Variants in HARS2 observed in about 807,000 individuals in gnomAD.
HARS2 encodes histidine--tRNA ligase, mitochondrial.
A neutral mutation model predicts 62.4 loss-of-function variants in HARS2; 40 were observed. The ratio of observed to expected loss-of-function variants is 0.64; its 90% confidence interval spans 0.50 to 0.83. HARS2 has a LOEUF of 0.83. Among genes scored for constraint, HARS2 ranks in the 40% least tolerant of loss-of-function variants. The probability of loss-of-function intolerance (pLI) is 0.00; values close to 1 mark genes in which losing one functional copy is unlikely to be tolerated. For missense variants in HARS2, 569 were observed against 626.4 expected (o/e 0.91, Z 0.98); for synonymous variants, 228 against 227.0 (o/e 1.00, Z -0.04).
At position 140,698,535 on chromosome 5, in the gene HARS2, C is replaced by T. The variant is rs142627341; in HGVS notation, c.1504C>T (p.Arg502Ter). The change falls in exon 13 of 13, where the codon CGA becomes TGA. Residue 502 changes from arginine (R) to a stop codon, truncating the protein, a stop_gained. Transcript: ENST00000230771. LOFTEE classifies it high-confidence loss of function. ...AAATTTTGTGGCTGAAATTCAGAAG[C>T]GACTGTCTGAGTCTTGATCCTTGCC... is the stretch of plus-strand genomic sequence containing the variant. Reference protein sequence around the residue: ...RENFVAEIQKRLSES With the variant: ...RENFVAEIQK 4 of 1,612,344 alleles carry T rather than the reference C, an allele frequency of 2.5e-6. No individual in the cohort carries two copies. The highest frequency in any genetic ancestry group is 2.2e-5 in the East Asian group (1 of 44,880).
At chr5:140,697,910 A>G (rs1394274989) in intron 11 of HARS2, 22 bp from the exon 12 acceptor site, 3 of 1,610,912 alleles carry the variant, frequency 1.9e-6, no homozygotes, top group Non-Finnish European at 2.5e-6. Context: ...TAAGTCCCTT[A>G]CTCTGTCTTG....
At chr5:140,697,516 A>C in intron 10 of HARS2, 53 bp from the exon 11 acceptor site, 1 of 1,600,042 alleles carries the variant, frequency 6.2e-7, no homozygotes, top group Non-Finnish European at 8.6e-7. Flanking sequence ...GATTTTTGGA[A>C]TTGCTGGTGG....
At chr5:140,696,074 C>A (rs2149854801) in intron 6 of HARS2, 29 bp from the exon 7 acceptor site, 1 of 1,510,650 alleles carries the variant, frequency 6.6e-7, no homozygotes, top group Non-Finnish European at 9.2e-7. Flanking sequence ...CATTGACAAG[C>A]ACTTGGGTCA....
chr5:140,696,899 T>C (rs577168262), intron 8 of HARS2, 44 bp from the exon 9 acceptor site: 1 of 1,587,336 alleles, frequency 6.3e-7, no homozygotes, highest in African/African-American at 1.4e-5. Flanking sequence ...TAATTTTGAA[T>C]GAAACACATG....
chr5:140,698,963 C>T lies in HARS2; in HGVS notation c.*411C>T, dbSNP rs1403343543. The stretch of plus-strand genomic sequence containing the variant: ...CGGAACCAGATTCTGGTGAATTTGT[C>T]CACAATCAGCCATTGGCCTGTCTGG... On this transcript the variant is annotated 3_prime_UTR_variant, in exon 13 of 13. Transcript: ENST00000230771. 1 of 292,700 alleles carries T rather than the reference C, an allele frequency of 3.4e-6. No individual in the cohort carries two copies. The highest frequency in any genetic ancestry group is 6.7e-6 in the Non-Finnish European group (1 of 149,818). 18.1% of individuals were successfully genotyped at this position (292,700 alleles called of 1,614,324 possible). A position where few individuals can be genotyped will look rare whatever the true frequency, so the allele number is the denominator to read the frequency against.
intron 4 of HARS2, 82 bp from the exon 5 acceptor site, chr5:140,695,426 C>A: frequency 6.7e-7 from 1 of 1,500,640 alleles, no homozygotes; most frequent in Non-Finnish European, 9.3e-7. Context: ...GGATGAGATC[C>A]AGGCCCAGTC....
rs146931647 is a variant in HARS2 at position 140,696,965 on chromosome 5, A to C, written c.849A>C (p.Gln283His). ...CAGGTGGGGTATCCCTAGTAGAGCA[A>C]ATGTTTCAGGATCCCAGACTATCCC... The part of the protein sequence containing the change: ...QCHGGVSLVE[Q>H]MFQDPRLSQN... The change falls in exon 9 of 13, where the codon CAA (glutamine) becomes CAC (histidine). Residue 283 changes from glutamine (Q) to histidine (H), a missense_variant. Coordinates refer to ENST00000230771, the MANE Select transcript of HARS2 (RefSeq NM_012208.4). 6.2e-7 allele frequency: 1 copy of C among 1,613,682 alleles called. No individual in the cohort carries two copies. Among genetic ancestry groups the C allele is most frequent in the Non-Finnish European group, 8.5e-7 (1 of 1,179,918 alleles).
At chr5:140,693,005 C>T (rs534606270) in intron 1 of HARS2, among the ~76,000 whole-genome samples, 1 of 151,960 alleles carries the variant, frequency 6.6e-6, no homozygotes, top group Non-Finnish European at 1.5e-5. Flanking sequence ...TGTTCAGTGC[C>T]TTCATTATTC....
rs577099650 is a variant in HARS2, at chr5:140,693,478, TC to T, written c.109-111del. 583 of 1,592,248 alleles carry T rather than the reference TC, an allele frequency of 3.7e-4. No individual in the cohort carries two copies. Among genetic ancestry groups the T allele is most frequent in the Non-Finnish European group, 4.6e-4 (534 of 1,168,604 alleles). On this transcript the variant is annotated intron_variant, in intron 1 of 12. Coordinates refer to ENST00000230771, the MANE Select transcript of HARS2 (RefSeq NM_012208.4). ...GGATAGATGAAATGGTGCTTTGGCTTCCTGTTGCTCAGGGTGAAGAGTCTTT... is the reference window on the plus strand; with the variant it reads ...GGATAGATGAAATGGTGCTTTGGCTTCTGTTGCTCAGGGTGAAGAGTCTTT...
intron 1 of HARS2, chr5:140,692,010 G>T: frequency 1.8e-6 from 1 of 564,054 alleles, no homozygotes; most frequent in East Asian, 3.0e-5. Context: ...CTTATACACG[G>T]ATATGTAGTA....
Position 140,693,979 on chromosome 5 carries a change from A to G in HARS2, c.228A>G (p.Lys76=). 1.9e-6 allele frequency: 3 copies of G among 1,613,996 alleles called. No individual in the cohort carries two copies. Among genetic ancestry groups the G allele is most frequent in the Non-Finnish European group, 2.5e-6 (3 of 1,179,934 alleles). The change falls in exon 3 of 13, where the codon AAA becomes AAG. Residue 76 remains lysine, a synonymous_variant. Transcript: ENST00000230771. The stretch of plus-strand genomic sequence containing the variant: ...CTCAGCATATGGTTGTGAGGGAGAA[A>G]ATTCTTGATTTGGTTATCAGCTGCT... The part of the protein sequence containing the change: ...LSPQHMVVRE[K]ILDLVISCFK...
chr5:140,696,927 CTT>C lies in HARS2; in HGVS notation c.827-14_827-13del. 2.5e-6 allele frequency: 4 copies of C among 1,601,012 alleles called. No individual in the cohort carries two copies. Among genetic ancestry groups the C allele is most frequent in the Non-Finnish European group, 2.6e-6 (3 of 1,173,428 alleles). ...AACACATGTGAGTGAACAGCAGAGACTTTATTTCTCTCCAGGTGGGGTATCCC... is the reference window on the plus strand; with the variant it reads ...AACACATGTGAGTGAACAGCAGAGACTATTTCTCTCCAGGTGGGGTATCCC... On this transcript the variant is annotated splice_polypyrimidine_tract_variant and intron_variant, in intron 8 of 12. Coordinates refer to ENST00000230771, the MANE Select transcript of HARS2 (RefSeq NM_012208.4).
Position 140,694,683 on chromosome 5 carries a change from T to G in HARS2, c.399+403T>G, listed in dbSNP as rs184717428. Among the ~76,000 whole-genome samples the G allele has an allele frequency of 2.8e-3, 421 of 152,172 alleles. 3 individuals are homozygous for G. The highest frequency in any genetic ancestry group is 0.014 in the Middle Eastern group (4 of 294). ...GAGTTCAAGACCAGCCTGGCCAATA[T>G]AGTGAAACCCCATCTCTACTCAGCT... On this transcript the variant is annotated intron_variant, in intron 4 of 12. Coordinates refer to ENST00000230771, the MANE Select transcript of HARS2 (RefSeq NM_012208.4).
In HARS2 at chr5:140,691,707, T is replaced by G. The variant is rs1330881651; in HGVS notation, c.59T>G (p.Leu20Arg). 7 of 1,552,706 alleles carry G rather than the reference T, an allele frequency of 4.5e-6. No individual in the cohort carries two copies. Among genetic ancestry groups the G allele is most frequent in the African/African-American group, 1.4e-5 (1 of 73,162 alleles). ...TGGGCTTCGCTGCTCAGCCAGCTCC[T>G]GCGACCGCCCTGCGCTTCGTGCACC... Reference protein sequence around the residue: ...RAWASLLSQLLRPPCASCTGA... With the variant: ...RAWASLLSQLRRPPCASCTGA... The change falls in exon 1 of 13, where the codon CTG becomes CGG. Residue 20 changes from leucine to arginine, a missense_variant. Physicochemically the swap from Leu to Arg is moderately radical, Grantham distance 102 (BLOSUM62 -2). Coordinates refer to ENST00000230771, the MANE Select transcript of HARS2 (RefSeq NM_012208.4).
Position 140,695,755 on chromosome 5 carries a change from T to G in HARS2, c.543T>G (p.Gly181=), listed in dbSNP as rs1189836034. Residue 181 remains glycine (G), a synonymous_variant, in exon 6 of 13, where the codon GGT becomes GGG. Transcript: ENST00000230771. ...EFCQCDFDIA[G]QFDPMIPDAE... is the part of the protein sequence containing the mutation. ...TGCTGTAGGATTTTGACATTGCTGG[T>G]CAGTTTGACCCTATGATCCCCGATG... 6.2e-7 allele frequency: 1 copy of G among 1,613,902 alleles called. No individual in the cohort carries two copies. Among genetic ancestry groups the G allele is most frequent in the African/African-American group, 1.3e-5 (1 of 74,926 alleles).
At position 140,691,468 on chromosome 5, in the gene HARS2, A is replaced by T; in HGVS notation, c.-181A>T. 1.4e-6 allele frequency: 1 copy of T among 708,100 alleles called. No homozygotes were observed. Among genetic ancestry groups the T allele is most frequent in the Non-Finnish European group, 2.4e-6 (1 of 416,430 alleles). 43.9% of individuals were successfully genotyped at this position (708,100 alleles called of 1,614,324 possible). On this transcript the variant is annotated 5_prime_UTR_variant, in exon 1 of 13. Coordinates refer to ENST00000230771, the MANE Select transcript of HARS2 (RefSeq NM_012208.4). Reference sequence around the variant, plus strand: ...CCTCCCGGAAGTGCCGAAGCTGGCTACTAAGGGAACTTGGGAGGATCCCAC... The same window carrying T: ...CCTCCCGGAAGTGCCGAAGCTGGCTTCTAAGGGAACTTGGGAGGATCCCAC...
Position 140,697,828 on chromosome 5 carries a change from A to G in HARS2, c.1315-104A>G, listed in dbSNP as rs73273318. ...GGCTACTAGATTGGCTTTTTAGGGT[A>G]GGCGGACTAGCCACTTATCTCTGGC... is the stretch of plus-strand genomic sequence containing the variant. On this transcript the variant is annotated intron_variant, in intron 11 of 12. Coordinates refer to ENST00000230771, the MANE Select transcript of HARS2 (RefSeq NM_012208.4). The G allele has an allele frequency of 4.4e-3, 5,962 of 1,362,940 alleles. 219 individuals carry two copies. In the African/African-American group the frequency reaches 0.075, roughly 17 times the overall value. The allele number at this position is 1,362,940 out of a possible 1,614,324, so 84.4% of individuals were successfully genotyped here. A position where few individuals can be genotyped will look rare whatever the true frequency, so the allele number is the denominator to read the frequency against.
At chr5:140,698,374 C>G in intron 12 of HARS2, 119 bp from the exon 13 acceptor site, 1 of 859,634 alleles carries the variant, frequency 1.2e-6, no homozygotes, top group Non-Finnish European at 2.0e-6. Context: ...CCACACTACT[C>G]CTTTCTGGTT....
rs866428192 is a variant in HARS2 at position 140,696,721 on chromosome 5, G to C, written c.826+107G>C. 7 of 946,138 alleles carry C rather than the reference G, an allele frequency of 7.4e-6. No individual in the cohort carries two copies. In the Middle Eastern group the frequency reaches 1.3e-3, roughly 172 times the overall value. The allele number at this position is 946,138 out of a possible 1,614,324, so 58.6% of individuals were successfully genotyped here. A position where few individuals can be genotyped will look rare whatever the true frequency, so the allele number is the denominator to read the frequency against. ...TTTCTGTAGATATGCTAAGCTCCAG[G>C]GCCTGTCCTGAATTTAATTTCTCTT... On this transcript the variant is annotated intron_variant, in intron 8 of 12. Coordinates refer to ENST00000230771, the MANE Select transcript of HARS2 (RefSeq NM_012208.4).
Sources: gnomAD v4.1 joint callset for allele counts (sites outside exome capture counted in the v4.1 genomes callset) on GRCh38, gnomAD v4.1.1 for gene constraint, MANE v1.5 for transcripts, NCBI Gene and HGNC (gene_info 2026-07-23, HGNC 2026-07-21) for gene names.